LINGO2: variants seen among roughly 807,000 people sequenced by gnomAD.
The protein encoded by LINGO2 is leucine rich repeat and Ig domain containing 2, also known as leucine-rich repeat and immunoglobulin-like domain-containing nogo receptor-interacting protein 2.
A neutral mutation model predicts 30.6 loss-of-function variants in LINGO2; 14 were observed. The observed-to-expected ratio is 0.46, with a 90% CI of 0.30 to 0.72. The LOEUF (loss-of-function observed/expected upper bound fraction) is 0.72, where lower values mean the gene tolerates loss of function less well. Among genes scored for constraint, LINGO2 ranks in the 30% least tolerant of loss-of-function variants. LINGO2 has a pLI of 0.07. For missense variants in LINGO2, 729 were observed against 751.7 expected (o/e 0.97, Z 0.35); for synonymous variants, 317 against 288.5 (o/e 1.10, Z -1.00).
In LINGO2 at chr9:28,417,384, TTTTA is replaced by T. The variant is rs144195864; in HGVS notation, c.-278-44520_-278-44517del. On this transcript the variant is annotated intron_variant, in intron 2 of 5. Transcript: ENST00000379992. ...AATCAAAGCAGATCACTTTAACATATTTTATTTGTTATTTATCCAGTAATTATGA... is the reference window on the plus strand; with the variant it reads ...AATCAAAGCAGATCACTTTAACATATTTTGTTATTTATCCAGTAATTATGA... Among the ~76,000 whole-genome samples the T allele has an allele frequency of 8.5e-3, 1,290 of 152,310 alleles. 15 individuals carry two copies. The highest frequency in any genetic ancestry group is 0.029 in the African/African-American group (1,223 of 41,562).
At chr9:28,061,392 T>C (rs1014941158) in intron 4 of LINGO2, among the ~76,000 whole-genome samples, 2 of 151,818 alleles carry the variant, frequency 1.3e-5, no homozygotes, top group African/African-American at 4.8e-5. Context: ...GGCAGGCTAC[T>C]TTCTGGAATA....
At chr9:28,374,353 T>G (rs1417636985) in intron 2 of LINGO2, among the ~76,000 whole-genome samples, 1 of 151,842 alleles carries the variant, frequency 6.6e-6, no homozygotes, top group East Asian at 1.9e-4. Flanking sequence ...ATATTATGCT[T>G]TAAGTGTTTA....
intron 4 of LINGO2, among the ~76,000 whole-genome samples, chr9:28,060,520 C>T (rs1442441507): frequency 2.6e-5 from 4 of 152,118 alleles, no homozygotes; most frequent in South Asian, 2.1e-4. Flanking sequence ...CAAAGCAACA[C>T]GCTAAGTTCA....
At chr9:29,086,147 T>A in the LINGO2 span, among the ~76,000 whole-genome samples, 1 of 152,172 alleles carries the variant, frequency 6.6e-6, no homozygotes, top group Non-Finnish European at 1.5e-5. Context: ...AAAAAGCAGA[T>A]AATTTAGGAC....
At chr9:28,052,988 G>A (rs953345514) in intron 4 of LINGO2, among the ~76,000 whole-genome samples, 2 of 152,102 alleles carry the variant, frequency 1.3e-5, no homozygotes, top group Admixed American at 6.6e-5. Context: ...ATGCTAGAAA[G>A]TGGGGATAAC....
the LINGO2 span, among the ~76,000 whole-genome samples, chr9:28,855,763 G>A: frequency 2.0e-5 from 3 of 151,916 alleles, no homozygotes; most frequent in African/African-American, 4.8e-5. Context: ...GCTGTGCCAG[G>A]CACTATCTGT....
intron 1 of LINGO2, among the ~76,000 whole-genome samples, chr9:28,499,219 G>C (rs1025725702): frequency 2.9e-4 from 44 of 152,194 alleles, no homozygotes; most frequent in African/African-American, 1.0e-3. Flanking sequence ...TAGCCTTAGA[G>C]TGAAAGACAG....
intron 4 of LINGO2, among the ~76,000 whole-genome samples, chr9:28,202,561 T>TC (rs1415467401): frequency 1.3e-5 from 2 of 151,582 alleles, no homozygotes; most frequent in East Asian, 1.9e-4. Context: ...CCTCACCCCG[T>TC]CCCCCCCGCC....
At chr9:28,868,016 G>A in the LINGO2 span, among the ~76,000 whole-genome samples, 4 of 151,912 alleles carry the variant, frequency 2.6e-5, no homozygotes, top group African/African-American at 9.7e-5. Context: ...AAGTTTTCAG[G>A]ATTTTATGTA....
chr9:28,790,407 A>T, the LINGO2 span, among the ~76,000 whole-genome samples: 1 of 140,960 alleles, frequency 7.1e-6, no homozygotes, highest in Non-Finnish European at 1.5e-5. Context: ...CGGCTCACTG[A>T]AAGCTCCGCC....
the LINGO2 span, among the ~76,000 whole-genome samples, chr9:28,841,334 A>ATTTAACAGT: frequency 6.6e-6 from 1 of 151,776 alleles, no homozygotes; most frequent in Admixed American, 6.6e-5. Flanking sequence ...TTGGCACCTG[A>ATTTAACAGT]TTTAACAGTG....
rs1827835715 is a variant in LINGO2 at position 28,147,094 on chromosome 9, C to T, written c.-86-134689G>A. 1.3e-5 allele frequency among the ~76,000 whole-genome samples: 2 copies of T among 152,280 alleles called. No individual in the cohort carries two copies. Among genetic ancestry groups the T allele is most frequent in the East Asian group, 1.9e-4 (1 of 5,172 alleles). On this transcript the variant is annotated intron_variant, in intron 4 of 5. Transcript: ENST00000379992. The surrounding 1 kb of genome is among the most constrained non-coding windows in gnomAD (Gnocchi z 4.7). Reference sequence around the variant, plus strand: ...CCTACATCTTTGTAGAGGACTGGAGCCCAGAGCATGCCATGGTCAACTTGT... The same window carrying T: ...CCTACATCTTTGTAGAGGACTGGAGTCCAGAGCATGCCATGGTCAACTTGT...
At chr9:28,817,141 T>C in the LINGO2 span, among the ~76,000 whole-genome samples, 2 of 151,850 alleles carry the variant, frequency 1.3e-5, no homozygotes, top group South Asian at 4.1e-4. Context: ...ATCAAAGAAA[T>C]GGAAAGTTAT....
intron 2 of LINGO2, among the ~76,000 whole-genome samples, chr9:28,397,798 C>G (rs1831552): frequency 0.33 from 49,536 of 151,912 alleles, 8,297 homozygotes; most frequent in Middle Eastern, 0.47. Context: ...CCACTTGCCT[C>G]AGCCTCCCAA....
intron 1 of LINGO2, among the ~76,000 whole-genome samples, chr9:28,550,328 C>G (rs955328320): frequency 1.3e-5 from 2 of 151,660 alleles, no homozygotes; most frequent in Non-Finnish European, 1.5e-5. Flanking sequence ...GGTGCTGCAT[C>G]CTTTATAATT....
chr9:28,058,480 C>G (rs1312042580), intron 4 of LINGO2, among the ~76,000 whole-genome samples: 1 of 152,124 alleles, frequency 6.6e-6, no homozygotes, highest in Non-Finnish European at 1.5e-5. Context: ...TTCCGCAGCA[C>G]ATGCTTAAAT....
chr9:28,031,567 C>A (rs1823673402), intron 4 of LINGO2, among the ~76,000 whole-genome samples: 1 of 152,114 alleles, frequency 6.6e-6, no homozygotes, highest in South Asian at 2.1e-4. Context: ...TGCTGTGTGA[C>A]CTTAGCTACT....
At chr9:28,588,184 C>A (rs1342239393) in intron 1 of LINGO2, among the ~76,000 whole-genome samples, 1 of 152,030 alleles carries the variant, frequency 6.6e-6, no homozygotes, top group African/African-American at 2.4e-5. Context: ...CATTCCCCCT[C>A]TGTTTCTAGC....
rs1823489024 is a variant in LINGO2, at chr9:28,568,198, G to A, written c.-364-92173C>T. Among the ~76,000 whole-genome samples the A allele has an allele frequency of 2.0e-5, 3 of 151,954 alleles. No individual in the cohort carries two copies. In the South Asian group the frequency reaches 6.2e-4, roughly 32 times the overall value. On this transcript the variant is annotated intron_variant, in intron 1 of 5. Transcript: ENST00000379992. ...GGAGAAGTTCTAGTTTGCCACTGGA[G>A]CAAAAAAATCTGAAAACAGACAAAG...
Sources: gnomAD v4.1 joint callset for allele counts (sites outside exome capture counted in the v4.1 genomes callset) on GRCh38, gnomAD v4.1.1 for gene constraint, Gnocchi (gnomAD v3.1) non-coding constraint, MANE v1.5 for transcripts, NCBI Gene and HGNC (gene_info 2026-07-23, HGNC 2026-07-21) for gene names.